LRP1B: variants seen among roughly 807,000 people sequenced by gnomAD.
LRP1B encodes low-density lipoprotein receptor-related protein 1B.
In LRP1B, 217 loss-of-function variants were observed where a neutral mutation model predicts 556.6. That is an observed-to-expected ratio of 0.39 (90% confidence interval 0.35 to 0.44). LRP1B has a LOEUF of 0.44. Ranked by LOEUF, LRP1B falls within the 20% of genes least tolerant of loss-of-function variation. The pLI is 1.00. For missense variants in LRP1B, 5,053 were observed against 5,620.8 expected (o/e 0.90, Z 3.23); for synonymous variants, 2,047 against 1,865.8 (o/e 1.10, Z -2.50).
At position 141,841,361 on chromosome 2, in the gene LRP1B, T is replaced by C. The variant is rs866216835; in HGVS notation, c.83-30960A>G. On this transcript the variant is annotated intron_variant, in intron 1 of 90. Transcript: ENST00000389484. The stretch of plus-strand genomic sequence containing the variant: ...AAATGACACATAAGTAATTTAGCCC[T>C]CACCAGATTCTCGTTTGTTACATAA... 2.0e-5 allele frequency among the ~76,000 whole-genome samples: 3 copies of C among 152,336 alleles called. No homozygotes were observed. The South Asian group carries it at 6.2e-4, about 32-fold the overall frequency.
intron 3 of LRP1B, among the ~76,000 whole-genome samples, chr2:141,321,307 A>C (rs1559003565): frequency 6.6e-6 from 1 of 152,108 alleles, no homozygotes; most frequent in African/African-American, 2.4e-5. Context: ...TGTAAAACTA[A>C]AAAGTAAAGA....
intron 27 of LRP1B, among the ~76,000 whole-genome samples, chr2:140,863,446 T>A (rs1247126822): frequency 6.6e-6 from 1 of 152,204 alleles, no homozygotes; most frequent in Non-Finnish European, 1.5e-5. Context: ...CCCCCCAATA[T>A]GTGTTTTAAT....
chr2:140,711,704 C>T (rs192879895), intron 37 of LRP1B, among the ~76,000 whole-genome samples: 5 of 152,226 alleles, frequency 3.3e-5, no homozygotes, highest in African/African-American at 9.6e-5. Context: ...ATATTTGCTA[C>T]AATAGCTTCA....
intron 11 of LRP1B, among the ~76,000 whole-genome samples, chr2:141,047,385 T>C (rs1698905927): frequency 6.6e-6 from 1 of 152,120 alleles, no homozygotes; most frequent in African/African-American, 2.4e-5. Context: ...CAGGTTTGAT[T>C]TAAAGTAAAG....
intron 79 of LRP1B, among the ~76,000 whole-genome samples, chr2:140,332,605 A>T (rs1680871169): frequency 6.6e-6 from 1 of 152,068 alleles, no homozygotes; most frequent in Admixed American, 6.6e-5. Context: ...CACAGCCCCA[A>T]GGCCAATTAA....
intron 6 of LRP1B, among the ~76,000 whole-genome samples, chr2:141,207,255 A>T (rs1184819405): frequency 6.6e-6 from 1 of 152,236 alleles, no homozygotes; most frequent in Non-Finnish European, 1.5e-5. Context: ...ACATATCGAC[A>T]TTAGAAAAAT....
At chr2:141,646,989 C>T (rs887599018) in intron 2 of LRP1B, among the ~76,000 whole-genome samples, 1 of 152,092 alleles carries the variant, frequency 6.6e-6, no homozygotes, top group Admixed American at 6.6e-5. Flanking sequence ...TTTCTTCTTC[C>T]TCTTCTTCCT....
intron 3 of LRP1B, among the ~76,000 whole-genome samples, chr2:141,468,200 T>C (rs1007540774): frequency 6.6e-6 from 1 of 152,130 alleles, no homozygotes; most frequent in Non-Finnish European, 1.5e-5. Flanking sequence ...TTTTGCATAA[T>C]TAATTTAGAT....
intron 1 of LRP1B, among the ~76,000 whole-genome samples, chr2:141,833,744 G>GAA (rs34151747): frequency 1.5e-4 from 22 of 150,018 alleles, no homozygotes; most frequent in African/African-American, 5.4e-4. Flanking sequence ...GTAGCCAACG[G>GAA]AAAAAAAAAT....
chr2:140,735,274 G>T (rs1238604663), intron 35 of LRP1B, among the ~76,000 whole-genome samples: 1 of 152,176 alleles, frequency 6.6e-6, no homozygotes, highest in Non-Finnish European at 1.5e-5. Context: ...AAAGAAAAAG[G>T]AAACAATGCC....
intron 2 of LRP1B, among the ~76,000 whole-genome samples, chr2:141,734,625 C>T (rs887376595): frequency 6.6e-6 from 1 of 151,952 alleles, no homozygotes; most frequent in Non-Finnish European, 1.5e-5. Context: ...GGTTTCTGCG[C>T]ATTTGTATGT....
chr2:140,488,546 T>A (rs964326389), intron 57 of LRP1B, among the ~76,000 whole-genome samples: 4 of 151,996 alleles, frequency 2.6e-5, no homozygotes, highest in Non-Finnish European at 4.4e-5. Context: ...GGACTGTACA[T>A]CCAGGATCTA....
chr2:140,434,138 C>A lies in LRP1B; in HGVS notation c.10414+8366G>T, dbSNP rs181856993. Among the ~76,000 whole-genome samples the A allele has an allele frequency of 2.0e-3, 300 of 152,064 alleles. 2 individuals carry two copies. The highest frequency in any genetic ancestry group is 4.1e-3 in the Admixed American group (62 of 15,270). ...AGGCTGGAGTGTAGTGGTGCGATCT[C>A]TGCTCACTGCAACCTCCGCCTCCTG... On this transcript the variant is annotated intron_variant, in intron 66 of 90. Coordinates refer to ENST00000389484, the MANE Select transcript of LRP1B (RefSeq NM_018557.3).
chr2:141,625,127 G>A (rs569684775), intron 2 of LRP1B, among the ~76,000 whole-genome samples: 7 of 152,296 alleles, frequency 4.6e-5, no homozygotes, highest in African/African-American at 1.7e-4. Flanking sequence ...TTATTCTACA[G>A]TAATTAAAGG....
chr2:141,613,094 C>T (rs1302466477), intron 2 of LRP1B, among the ~76,000 whole-genome samples: 1 of 152,096 alleles, frequency 6.6e-6, no homozygotes, highest in East Asian at 1.9e-4. Flanking sequence ...AGGCATGAGC[C>T]ACCGCACCTG....
At chr2:140,329,259 A>G (rs1680663325) in intron 79 of LRP1B, among the ~76,000 whole-genome samples, 2 of 151,956 alleles carry the variant, frequency 1.3e-5, no homozygotes, top group Admixed American at 1.3e-4. Context: ...CAAAATAATA[A>G]CCATTTATGA....
chr2:140,475,284 A>G lies in LRP1B; in HGVS notation c.9479T>C (p.Met3160Thr). The G allele has an allele frequency of 6.2e-7, 1 of 1,611,308 alleles. No homozygotes were observed. Among genetic ancestry groups the G allele is most frequent in the Non-Finnish European group, 8.5e-7 (1 of 1,178,330 alleles). ...GACAACACTCTGATTGGTTCCATCC[A>G]TTCCAACACGGCCAATATGAGGATA... ...CEYPHIGRVG[M>T]DGTNQSVVIE... Residue 3160 changes from methionine to threonine, a missense_variant, in exon 60 of 91, where the codon ATG becomes ACG. Transcript: ENST00000389484.
intron 41 of LRP1B, among the ~76,000 whole-genome samples, chr2:140,635,008 G>A (rs72913419): frequency 0.073 from 11,118 of 152,072 alleles, 520 homozygotes; most frequent in East Asian, 0.18. Context: ...ACACATGACA[G>A]TAATATATTA....
At chr2:140,889,206 C>A (rs1693729243) in intron 23 of LRP1B, among the ~76,000 whole-genome samples, 1 of 152,128 alleles carries the variant, frequency 6.6e-6, no homozygotes, top group East Asian at 1.9e-4. Flanking sequence ...ATTAAAACAG[C>A]AAGACCACAC....
Sources: gnomAD v4.1 joint callset for allele counts (sites outside exome capture counted in the v4.1 genomes callset) on GRCh38, gnomAD v4.1.1 for gene constraint, MANE v1.5 for transcripts, NCBI Gene and HGNC (gene_info 2026-07-23, HGNC 2026-07-21) for gene names.